SH3PXD2A: variants seen among roughly 807,000 people sequenced by gnomAD.
SH3PXD2A encodes SH3 and PX domain-containing protein 2A.
Under a neutral mutation model 115.2 loss-of-function variants are expected in SH3PXD2A, and 32 were observed. The ratio of observed to expected loss-of-function variants is 0.28; its 90% CI spans 0.21 to 0.37. The LOEUF is 0.37. Ranked by LOEUF, SH3PXD2A falls within the 10% of genes least tolerant of loss-of-function variation. The probability of loss-of-function intolerance (pLI) is 1.00; values close to 1 mark genes in which losing one functional copy is unlikely to be tolerated. For synonymous variants in SH3PXD2A, 610 were observed against 629.1 expected (o/e 0.97, Z 0.45); for missense variants, 1,328 against 1,498.7 (o/e 0.89, Z 1.88).
intron 2 of SH3PXD2A, among the ~76,000 whole-genome samples, chr10:103,797,975 T>C (rs1240315466): frequency 6.6e-6 from 1 of 152,098 alleles, no homozygotes; most frequent in Non-Finnish European, 1.5e-5. Context: ...GGCCCTCAAC[T>C]CATGACCAGA....
intron 2 of SH3PXD2A, among the ~76,000 whole-genome samples, chr10:103,796,408 G>C (rs1355642224): frequency 2.0e-5 from 3 of 150,330 alleles, no homozygotes; most frequent in African/African-American, 7.4e-5. Flanking sequence ...AAGAGAGAGA[G>C]AGAGACCATA....
chr10:103,635,069 C>T (rs942796100), intron 8 of SH3PXD2A, among the ~76,000 whole-genome samples: 1 of 152,194 alleles, frequency 6.6e-6, no homozygotes, highest in Non-Finnish European at 1.5e-5. Context: ...GGCACTCACT[C>T]ATCTGGGGAA....
At chr10:103,654,243 C>T (rs2037175537) in intron 8 of SH3PXD2A, among the ~76,000 whole-genome samples, 1 of 152,146 alleles carries the variant, frequency 6.6e-6, no homozygotes, top group Non-Finnish European at 1.5e-5. Context: ...GTTGATTAGG[C>T]TGGGACAAGG....
At position 103,742,955 on chromosome 10, in the gene SH3PXD2A, C is replaced by A. The variant is rs4999190; in HGVS notation, c.230-7147G>T. Among the ~76,000 whole-genome samples, 8 of 144,102 alleles carry A rather than the reference C, an allele frequency of 5.6e-5. No homozygotes were observed. In the East Asian group the frequency reaches 1.0e-3, roughly 18 times the overall value. 94.5% of individuals were successfully genotyped at this position (144,102 alleles called of 152,430 possible). ...TCCTAGAGGGAACCTCCCTCCCCCC[C>A]TCAAGGGTGACACGCATGCTCGTGG... On this transcript the variant is annotated intron_variant, in intron 3 of 14. Transcript: ENST00000369774.
Position 103,622,562 on chromosome 10 carries a change from G to A in SH3PXD2A, c.719-9C>T, listed in dbSNP as rs1342147639. On this transcript the variant is annotated splice_polypyrimidine_tract_variant and intron_variant, in intron 9 of 14. Transcript: ENST00000369774. Reference sequence around the variant, plus strand: ...CTTGCGTCTCTTGGACACTGGTGTGGGAGATGGCGATGGAGCATGCGGCCA... The same window carrying A: ...CTTGCGTCTCTTGGACACTGGTGTGAGAGATGGCGATGGAGCATGCGGCCA... The A allele has an allele frequency of 6.5e-7, 1 of 1,546,024 alleles. No individual in the cohort carries two copies. The highest frequency in any genetic ancestry group is 8.7e-7 in the Non-Finnish European group (1 of 1,143,158).
At chr10:103,660,849 C>A in intron 8 of SH3PXD2A, 134 bp downstream of exon 8, 1 of 994,440 alleles carries the variant, frequency 1.0e-6, no homozygotes, top group Non-Finnish European at 1.5e-6. Context: ...AAACTTCAGC[C>A]GCCTCGGCCC....
intron 8 of SH3PXD2A, among the ~76,000 whole-genome samples, chr10:103,660,232 T>A (rs2037272013): frequency 6.6e-6 from 1 of 152,074 alleles, no homozygotes. Flanking sequence ...CTGGCCCTGT[T>A]GGGGGCCGAA....
chr10:103,819,222 C>T (rs778175915), intron 1 of SH3PXD2A, among the ~76,000 whole-genome samples: 27 of 152,186 alleles, frequency 1.8e-4, no homozygotes, highest in Non-Finnish European at 3.7e-4. Context: ...AAGAGCAGTA[C>T]TAAGGGACAA....
At chr10:103,726,394 C>T (rs560653096) in intron 4 of SH3PXD2A, among the ~76,000 whole-genome samples, 4 of 152,136 alleles carry the variant, frequency 2.6e-5, no homozygotes, top group Non-Finnish European at 4.4e-5. Flanking sequence ...CCCCATACTA[C>T]GGGTGAGGAG....
intron 5 of SH3PXD2A, among the ~76,000 whole-genome samples, chr10:103,694,047 C>T (rs1399211403): frequency 6.6e-6 from 1 of 152,184 alleles, no homozygotes; most frequent in African/African-American, 2.4e-5. Context: ...TTCACCAATC[C>T]TCAGGGGACT....
At chr10:103,828,994 G>T (rs2039460166) in intron 1 of SH3PXD2A, among the ~76,000 whole-genome samples, 1 of 152,108 alleles carries the variant, frequency 6.6e-6, no homozygotes, top group Admixed American at 6.5e-5. Flanking sequence ...CTGTCTTGAT[G>T]GTTCTTCCAC....
intron 3 of SH3PXD2A, among the ~76,000 whole-genome samples, chr10:103,745,135 A>G (rs1375947205): frequency 6.6e-6 from 1 of 152,206 alleles, no homozygotes; most frequent in Non-Finnish European, 1.5e-5. Context: ...ATAAATGCCA[A>G]GCCCCAAGCT....
chr10:103,833,124 A>T (rs1345926937), intron 1 of SH3PXD2A, among the ~76,000 whole-genome samples: 2 of 152,240 alleles, frequency 1.3e-5, no homozygotes, highest in African/African-American at 4.8e-5. Flanking sequence ...TATGGCACTC[A>T]AGGGTATAGA....
intron 3 of SH3PXD2A, among the ~76,000 whole-genome samples, chr10:103,748,114 T>C (rs1035330648): frequency 6.6e-5 from 10 of 152,246 alleles, no homozygotes; most frequent in Admixed American, 1.3e-4. Context: ...GCACTTGGTA[T>C]GTGCTAAGCC....
At chr10:103,606,568 C>A (rs1363325531) in intron 13 of SH3PXD2A, among the ~76,000 whole-genome samples, 1 of 151,204 alleles carries the variant, frequency 6.6e-6, no homozygotes, top group Non-Finnish European at 1.5e-5. Flanking sequence ...TGTACTGCTG[C>A]CATCTCTGCT....
intron 3 of SH3PXD2A, chr10:103,755,244 C>A (rs138495108): frequency 3.2e-4 from 48 of 152,302 alleles, no homozygotes; most frequent in African/African-American, 1.1e-3. Flanking sequence ...GGACCTGATA[C>A]TAAAAATTAC....
At chr10:103,832,021 T>A (rs11191818) in intron 1 of SH3PXD2A, among the ~76,000 whole-genome samples, 1,823 of 152,058 alleles carry the variant, frequency 0.012, 23 homozygotes, top group Admixed American at 0.023. Context: ...GAATTATATT[T>A]CATGGACAGA....
At chr10:103,607,296 C>T (rs1438215592) in intron 13 of SH3PXD2A, among the ~76,000 whole-genome samples, 10 of 151,212 alleles carry the variant, frequency 6.6e-5, no homozygotes, top group Non-Finnish European at 1.0e-4. Flanking sequence ...CCCCTCCGCC[C>T]GGCAGCCGCC....
At chr10:103,621,263 G>A (rs1051524592) in intron 10 of SH3PXD2A, among the ~76,000 whole-genome samples, 10 of 152,162 alleles carry the variant, frequency 6.6e-5, no homozygotes, top group African/African-American at 2.4e-4. Flanking sequence ...CTCCTTTGCC[G>A]CCAAGGCTTG....
Sources: allele counts gnomAD v4.1 joint callset (sites outside exome capture counted in the v4.1 genomes callset), GRCh38; gene constraint gnomAD v4.1.1; transcripts MANE v1.5; gene names NCBI Gene and HGNC (gene_info 2026-07-23, HGNC 2026-07-21).